The following ACVR2A variants were observed in gnomAD, a reference collection of about 807,000 sequenced individuals.
The protein encoded by ACVR2A is activin A receptor type 2A.
In ACVR2A, 7 loss-of-function variants were observed where a neutral mutation model predicts 61.4. The observed-to-expected ratio is 0.11, with a 90% CI of 0.06 to 0.21. The LOEUF (loss-of-function observed/expected upper bound fraction) is 0.21, where lower values mean the gene tolerates loss of function less well. Among genes scored for constraint, ACVR2A ranks in the 10% least tolerant of loss-of-function variants. The probability of loss-of-function intolerance (pLI) is 1.00; values close to 1 mark genes in which losing one functional copy is unlikely to be tolerated. For synonymous variants in ACVR2A, 193 were observed against 208.3 expected (o/e 0.93, Z 0.63); for missense variants, 322 against 621.7 (o/e 0.52, Z 5.13).
In ACVR2A at chr2:147,929,049, T is replaced by TATG. The variant is rs1491309921; in HGVS notation, c.*1776_*1778dup. 1 of 152,170 alleles carries TATG rather than the reference T, an allele frequency of 6.6e-6. No homozygotes were observed. The highest frequency in any genetic ancestry group is 1.9e-4 in the East Asian group (1 of 5,190). 9.4% of individuals were successfully genotyped at this position (152,170 alleles called of 1,614,324 possible). On this transcript the variant is annotated 3_prime_UTR_variant, in exon 11 of 11. Transcript: ENST00000241416. ...TAATCTCTGGGAATAGTAAATTAAT[T>TATG]ATGTTATTTATAAACAATACATAGG... is the stretch of plus-strand genomic sequence containing the variant.
intron 1 of ACVR2A, among the ~76,000 whole-genome samples, chr2:147,867,609 A>G (rs1685896223): frequency 6.6e-6 from 1 of 152,074 alleles, no homozygotes; most frequent in Non-Finnish European, 1.5e-5. Context: ...GCAAACAAAA[A>G]TGCACCAGGG....
chr2:147,884,031 T>C (rs1477051826), intron 1 of ACVR2A, among the ~76,000 whole-genome samples: 5 of 152,122 alleles, frequency 3.3e-5, no homozygotes, highest in Admixed American at 6.6e-5. Flanking sequence ...CACTTTTAGG[T>C]TGGTTTTTGC....
intron 1 of ACVR2A, among the ~76,000 whole-genome samples, chr2:147,879,248 C>T (rs556775411): frequency 5.5e-4 from 84 of 152,258 alleles, no homozygotes; most frequent in African/African-American, 1.9e-3. Flanking sequence ...AATTTCTTCT[C>T]TTACAGTTCT....
chr2:147,883,636 G>A (rs1460042537), intron 1 of ACVR2A, among the ~76,000 whole-genome samples: 1 of 152,018 alleles, frequency 6.6e-6, no homozygotes, highest in Non-Finnish European at 1.5e-5. Flanking sequence ...ATTATGGCCT[G>A]TTAAGTGATT....
At chr2:147,881,647 G>GTA (rs1409651936) in intron 1 of ACVR2A, among the ~76,000 whole-genome samples, 6 of 146,152 alleles carry the variant, frequency 4.1e-5, no homozygotes, top group Non-Finnish European at 9.1e-5. Flanking sequence ...GTGTGTATGT[G>GTA]TGTGTGTGTG....
At chr2:147,890,883 T>C (rs1686565316) in intron 1 of ACVR2A, among the ~76,000 whole-genome samples, 1 of 152,098 alleles carries the variant, frequency 6.6e-6, no homozygotes, top group African/African-American at 2.4e-5. Context: ...AGAATCAGCT[T>C]GAGGAGGGGT....
chr2:147,908,071 A>AG (rs1044647361), intron 4 of ACVR2A, among the ~76,000 whole-genome samples: 5 of 151,476 alleles, frequency 3.3e-5, no homozygotes, highest in African/African-American at 1.2e-4. Flanking sequence ...AAAGAAAAAA[A>AG]AAGCAAAGTA....
At chr2:147,853,862 C>G (rs749037157) in intron 1 of ACVR2A, among the ~76,000 whole-genome samples, 14 of 152,002 alleles carry the variant, frequency 9.2e-5, no homozygotes, top group Non-Finnish European at 1.8e-4. Context: ...TGCTCCAAGG[C>G]ATTATTTCAA....
At chr2:147,918,400 T>C (rs201994186) in intron 6 of ACVR2A, 47 bp from the exon 7 acceptor site, 46 of 1,552,724 alleles carry the variant, frequency 3.0e-5, no homozygotes, top group Non-Finnish European at 3.7e-5. Flanking sequence ...CTTATACATA[T>C]GGCCTTTGTC....
At chr2:147,877,644 T>C (rs1276108350) in intron 1 of ACVR2A, 1 of 151,994 alleles carries the variant, frequency 6.6e-6, no homozygotes, top group Non-Finnish European at 1.5e-5. Context: ...GCTTTTACTC[T>C]TTGCTTAGTA....
At chr2:147,882,973 A>T (rs1686344301) in intron 1 of ACVR2A, among the ~76,000 whole-genome samples, 3 of 152,142 alleles carry the variant, frequency 2.0e-5, no homozygotes, top group Non-Finnish European at 2.9e-5. Flanking sequence ...TTGAAAATTT[A>T]TTCTCTTTCT....
intron 1 of ACVR2A, among the ~76,000 whole-genome samples, chr2:147,893,124 G>C (rs548106343): frequency 6.6e-6 from 1 of 152,032 alleles, no homozygotes; most frequent in Non-Finnish European, 1.5e-5. Flanking sequence ...ATTTCTGTCT[G>C]CCTTTTCCAG....
In ACVR2A at chr2:147,845,101, G is replaced by A; in HGVS notation, c.-52G>A. ...GGTTTGTCTCCGAGGAAGACCCAGGGAACTGGATATCTAGCGAGAACTTCC... is the reference window on the plus strand; with the variant it reads ...GGTTTGTCTCCGAGGAAGACCCAGGAAACTGGATATCTAGCGAGAACTTCC... On this transcript the variant is annotated 5_prime_UTR_variant, in exon 1 of 11. Coordinates refer to ENST00000241416, the MANE Select transcript of ACVR2A (RefSeq NM_001616.5). 6.7e-7 allele frequency: 1 copy of A among 1,483,774 alleles called. No homozygotes were observed. Among genetic ancestry groups the A allele is most frequent in the Non-Finnish European group, 9.2e-7 (1 of 1,090,884 alleles). 91.9% of individuals were successfully genotyped at this position (1,483,774 alleles called of 1,614,324 possible).
rs1410495499 is a variant in ACVR2A at position 147,899,447 on chromosome 2, C to T, written c.264-11C>T. 6.3e-7 allele frequency: 1 copy of T among 1,575,072 alleles called. No individual in the cohort carries two copies. Among genetic ancestry groups the T allele is most frequent in the Admixed American group, 1.8e-5 (1 of 56,056 alleles). ...ATTGATTTTAATTATTTTTTCTCTG[C>T]TTATTTATAGGACTGATTGTGTAGA... On this transcript the variant is annotated splice_polypyrimidine_tract_variant and intron_variant, in intron 2 of 10. Transcript: ENST00000241416.
rs746867155 is a variant in ACVR2A at position 147,845,146 on chromosome 2, C to T, written c.-7C>T. The T allele has an allele frequency of 1.2e-6, 2 of 1,613,178 alleles. No homozygotes were observed. The highest frequency in any genetic ancestry group is 1.7e-6 in the Non-Finnish European group (2 of 1,179,808). ...ACTTCCTCCGGATTCCCCGGCGCCT[C>T]GGGAAAATGGGAGCTGCTGCAAAGT... On this transcript the variant is annotated 5_prime_UTR_variant, in exon 1 of 11. Transcript: ENST00000241416.
chr2:147,880,058 T>G (rs1434734199), intron 1 of ACVR2A, among the ~76,000 whole-genome samples: 1 of 152,220 alleles, frequency 6.6e-6, no homozygotes, highest in African/African-American at 2.4e-5. Flanking sequence ...AGAGTGCTAG[T>G]ATAAATGGGT....
intron 4 of ACVR2A, among the ~76,000 whole-genome samples, chr2:147,902,083 AT>A (rs1476684487): frequency 1.3e-5 from 2 of 151,846 alleles, no homozygotes; most frequent in Non-Finnish European, 2.9e-5. Flanking sequence ...AGCATAAAAT[AT>A]TTTTTTTCAA....
chr2:147,908,691 A>G lies in ACVR2A; in HGVS notation c.529-6500A>G, dbSNP rs372056118. ...AAATGGTAAAATTTCTTAGAATGTA[A>G]AATAATTAGTTGATATTAAGAGGAA... On this transcript the variant is annotated intron_variant, in intron 4 of 10. Coordinates refer to ENST00000241416, the MANE Select transcript of ACVR2A (RefSeq NM_001616.5). 2.0e-4 allele frequency among the ~76,000 whole-genome samples: 30 copies of G among 152,212 alleles called. No homozygotes were observed. The South Asian group carries it at 6.2e-3, about 32-fold the overall frequency.
At chr2:147,859,870 C>T (rs1685682929) in intron 1 of ACVR2A, among the ~76,000 whole-genome samples, 2 of 151,238 alleles carry the variant, frequency 1.3e-5, no homozygotes, top group South Asian at 4.2e-4. Flanking sequence ...GAAACAGAAG[C>T]TCACCAGAAG....
Sources: gnomAD v4.1 joint callset for allele counts (sites outside exome capture counted in the v4.1 genomes callset) on GRCh38, gnomAD v4.1.1 for gene constraint, MANE v1.5 for transcripts, NCBI Gene and HGNC (gene_info 2026-07-23, HGNC 2026-07-21) for gene names.